BIRC6: variants seen among roughly 807,000 people sequenced by gnomAD.
The protein encoded by BIRC6 is dual E2 ubiquitin-conjugating enzyme/E3 ubiquitin-protein ligase BIRC6.
A neutral mutation model predicts 503.3 loss-of-function variants in BIRC6; 98 were observed. That is an observed-to-expected ratio of 0.19 (90% CI 0.17 to 0.23). The LOEUF is 0.23. Ranked by LOEUF, BIRC6 falls within the 10% of genes least tolerant of loss-of-function variation. BIRC6 has a pLI of 1.00. For synonymous variants in BIRC6, 2,240 were observed against 2,078.7 expected, an observed-to-expected ratio of 1.08 and a Z score of -2.11; for missense variants, 5,360 against 5,806.0, an observed-to-expected ratio of 0.92 and a Z score of 2.50.
At chr2:32,478,571 T>A in intron 35 of BIRC6, 64 bp from the exon 36 acceptor site, 2 of 1,411,198 alleles carry the variant, frequency 1.4e-6, no homozygotes, top group South Asian at 2.7e-5. Context: ...GGTAGACTTC[T>A]GTTAGTGTTT....
chr2:32,380,890 T>C (rs2037543979), intron 3 of BIRC6, among the ~76,000 whole-genome samples: 1 of 152,204 alleles, frequency 6.6e-6, no homozygotes, highest in Non-Finnish European at 1.5e-5. Flanking sequence ...AGAAGCTTCC[T>C]TGTTAGGTTG....
At chr2:32,595,424 C>T (rs890369909) in intron 68 of BIRC6, among the ~76,000 whole-genome samples, 3 of 152,176 alleles carry the variant, frequency 2.0e-5, no homozygotes, top group Admixed American at 2.0e-4. Flanking sequence ...CCTTATTTAC[C>T]TCTTCATTTC....
intron 30 of BIRC6, 135 bp downstream of exon 30, chr2:32,469,749 C>A (rs1572451037): frequency 2.6e-6 from 2 of 777,134 alleles, no homozygotes; most frequent in East Asian, 2.5e-5. Context: ...TGTGAAATGA[C>A]CAGTGAAGGG....
intron 66 of BIRC6, among the ~76,000 whole-genome samples, chr2:32,576,951 C>T (rs755480293): frequency 2.0e-5 from 3 of 152,020 alleles, no homozygotes; most frequent in African/African-American, 7.2e-5. Flanking sequence ...GGTATATTTT[C>T]TTTGATAGTG....
chr2:32,445,553 T>A lies in BIRC6; in HGVS notation c.4369T>A (p.Tyr1457Asn). 6.3e-7 allele frequency: 1 copy of A among 1,599,710 alleles called. No individual in the cohort carries two copies. The highest frequency in any genetic ancestry group is 8.5e-7 in the Non-Finnish European group (1 of 1,173,474). Reference sequence around the variant, plus strand: ...CTATTGGTATTTTGTCTTACTGAATTATGTGAAAGATGAAGATCTGGCTGG... The same window carrying A: ...CTATTGGTATTTTGTCTTACTGAATAATGTGAAAGATGAAGATCTGGCTGG... Reference protein sequence around the residue: ...SVYWYFVLLNYVKDEDLAGCS... With the variant: ...SVYWYFVLLNNVKDEDLAGCS... Residue 1457 changes from tyrosine (Y) to asparagine (N), a missense_variant, in exon 21 of 74, where the codon TAT becomes AAT. By Grantham distance (143) the Tyr-to-Asn change is moderately radical. This residue lies in a region of BIRC6 where 2,299 missense variants were observed against 2,267.2 expected (regional missense o/e 1.01). Coordinates refer to ENST00000421745, the MANE Select transcript of BIRC6 (RefSeq NM_016252.4).
Position 32,439,580 on chromosome 2 carries a change from T to G in BIRC6, c.3704T>G (p.Ile1235Ser), listed in dbSNP as rs1288789504. ...GTGAATGAAAGAGGAACAGAAGAGATTTGTAATGGTGGTATGCGTCCTGTA... is the reference window on the plus strand; with the variant it reads ...GTGAATGAAAGAGGAACAGAAGAGAGTTGTAATGGTGGTATGCGTCCTGTA... ...KAVNERGTEEICNGGMRPVVR... is the reference protein window; with the variant it reads ...KAVNERGTEESCNGGMRPVVR... Residue 1235 changes from isoleucine (I) to serine (S), a missense_variant, in exon 16 of 74, where the codon ATT becomes AGT. Ile to Ser is a moderately radical substitution (Grantham distance 142). This residue lies in a region of BIRC6 where 2,299 missense variants were observed against 2,267.2 expected (regional missense o/e 1.01). Transcript: ENST00000421745. 3 of 1,613,850 alleles carry G rather than the reference T, an allele frequency of 1.9e-6. No individual in the cohort carries two copies. In the South Asian group the frequency reaches 3.3e-5, roughly 18 times the overall value.
intron 65 of BIRC6, among the ~76,000 whole-genome samples, chr2:32,554,528 G>C (rs1237674400): frequency 6.6e-6 from 1 of 152,150 alleles, no homozygotes; most frequent in Non-Finnish European, 1.5e-5. Flanking sequence ...GTAGACATGA[G>C]AGAGCAGGCA....
At chr2:32,425,503 G>T (rs963889201) in intron 10 of BIRC6, among the ~76,000 whole-genome samples, 2 of 132,888 alleles carry the variant, frequency 1.5e-5, no homozygotes, top group Admixed American at 1.6e-4. Flanking sequence ...GTAATTTTTT[G>T]TTGTAGTCAG....
At chr2:32,513,187 C>T in intron 54 of BIRC6, 33 bp downstream of exon 54, 3 of 1,518,224 alleles carry the variant, frequency 2.0e-6, no homozygotes, top group Non-Finnish European at 2.7e-6. Flanking sequence ...TTTTTATCCC[C>T]CAGTACTAGA....
chr2:32,369,943 A>ATATAT (rs1284240428), intron 1 of BIRC6, among the ~76,000 whole-genome samples: 1 of 32,304 alleles, frequency 3.1e-5, no homozygotes, highest in Admixed American at 3.7e-4. Context: ...AAAAAAAAAA[A>ATATAT]AAATATATAT....
intron 45 of BIRC6, among the ~76,000 whole-genome samples, chr2:32,496,763 T>C (rs1329498320): frequency 6.6e-6 from 1 of 152,222 alleles, no homozygotes; most frequent in Non-Finnish European, 1.5e-5. Flanking sequence ...GATTGCATCA[T>C]TCTGTAGATC....
chr2:32,495,547 T>C (rs2052337550), intron 45 of BIRC6, among the ~76,000 whole-genome samples: 1 of 152,196 alleles, frequency 6.6e-6, no homozygotes, highest in African/African-American at 2.4e-5. Flanking sequence ...GCAAATACTA[T>C]CTATTGGTCT....
chr2:32,495,884 C>G (rs544531801), intron 45 of BIRC6, among the ~76,000 whole-genome samples: 1 of 147,236 alleles, frequency 6.8e-6, no homozygotes, highest in East Asian at 2.0e-4. Flanking sequence ...GTCACCCAGG[C>G]TGGAGTGCAG....
At chr2:32,466,108 C>T (rs938243804) in intron 26 of BIRC6, among the ~76,000 whole-genome samples, 4 of 151,684 alleles carry the variant, frequency 2.6e-5, no homozygotes, top group African/African-American at 9.7e-5. Flanking sequence ...AATAATTTTT[C>T]TTGTTAGGGA....
chr2:32,474,530 G>C (rs1205919864), intron 33 of BIRC6, among the ~76,000 whole-genome samples: 1 of 152,188 alleles, frequency 6.6e-6, no homozygotes, highest in East Asian at 1.9e-4. Context: ...TTGGTGGTCA[G>C]GTGTCAGTAT....
At chr2:32,553,978 T>A (rs1229668751) in intron 65 of BIRC6, among the ~76,000 whole-genome samples, 1 of 152,168 alleles carries the variant, frequency 6.6e-6, no homozygotes, top group Non-Finnish European at 1.5e-5. Flanking sequence ...GAAAGTTGCG[T>A]TTTGTAGGCC....
At chr2:32,431,716 T>G (rs982821734) in intron 12 of BIRC6, among the ~76,000 whole-genome samples, 6 of 152,224 alleles carry the variant, frequency 3.9e-5, no homozygotes, top group Non-Finnish European at 5.9e-5. Context: ...GTCCACAGAT[T>G]TATTTAACAA....
At position 32,395,627 on chromosome 2, in the gene BIRC6, A is replaced by G. The variant is rs372261462; in HGVS notation, c.1034+34A>G. 12 of 1,525,050 alleles carry G rather than the reference A, an allele frequency of 7.9e-6. No individual in the cohort carries two copies. In the African/African-American group the frequency reaches 1.7e-4, roughly 21 times the overall value. 94.5% of individuals were successfully genotyped at this position (1,525,050 alleles called of 1,614,324 possible). A position where few individuals can be genotyped will look rare whatever the true frequency, so the allele number is the denominator to read the frequency against. On this transcript the variant is annotated intron_variant, in intron 6 of 73. Transcript: ENST00000421745. ...TGATGTTTCTGGGCATAATAGGCTA[A>G]GTCAGTCGTGTAAATAATGCTTCTA...
At chr2:32,484,550 CAA>C (rs1251134880) in intron 39 of BIRC6, among the ~76,000 whole-genome samples, 24 of 69,584 alleles carry the variant, frequency 3.4e-4, no homozygotes, top group Admixed American at 4.5e-4. Flanking sequence ...AACTCCAACT[CAA>C]AAAAAAAAAA....
Sources: gnomAD v4.1 joint callset for allele counts (sites outside exome capture counted in the v4.1 genomes callset) on GRCh38, gnomAD v4.1.1 for gene constraint, gnomAD v4.1.1 regional missense constraint, MANE v1.5 for transcripts, NCBI Gene and HGNC (gene_info 2026-07-23, HGNC 2026-07-21) for gene names.